LRRTM4: variants seen among roughly 807,000 people sequenced by gnomAD.
The protein encoded by LRRTM4 is leucine-rich repeat transmembrane neuronal protein 4.
Under a neutral mutation model 47.6 loss-of-function variants are expected in LRRTM4, and 25 were observed. That is an observed-to-expected ratio of 0.53 (90% CI 0.38 to 0.73). The LOEUF (loss-of-function observed/expected upper bound fraction) is 0.73. LRRTM4 is among the 30% of genes least tolerant of loss of function. The pLI is 0.00. For synonymous variants in LRRTM4, 311 were observed against 269.5 expected, an observed-to-expected ratio of 1.15 and a Z score of -1.51; for missense variants, 638 against 713.4, an observed-to-expected ratio of 0.89 and a Z score of 1.20.
intron 3 of LRRTM4, among the ~76,000 whole-genome samples, chr2:77,070,677 CT>C (rs1390947254): frequency 2.6e-5 from 4 of 152,108 alleles, no homozygotes; most frequent in Admixed American, 2.6e-4. Flanking sequence ...GTTGCCCAGG[CT>C]AGAGGGCAAT....
intron 3 of LRRTM4, among the ~76,000 whole-genome samples, chr2:76,797,595 G>T (rs1411624367): frequency 6.6e-6 from 1 of 151,016 alleles, no homozygotes; most frequent in African/African-American, 2.4e-5. Flanking sequence ...ATAATGACAG[G>T]ATCAAATTCA....
At chr2:77,085,933 GGAA>G (rs1247348479) in intron 3 of LRRTM4, among the ~76,000 whole-genome samples, 7 of 152,116 alleles carry the variant, frequency 4.6e-5, no homozygotes, top group Non-Finnish European at 2.9e-5. Flanking sequence ...GGAGCCAAAA[GGAA>G]GAAATTTCTT....
Position 77,519,820 on chromosome 2 carries a change from C to T in LRRTM4, c.49G>A (p.Val17Met), listed in dbSNP as rs1483285617. 3 of 1,612,356 alleles carry T rather than the reference C, an allele frequency of 1.9e-6. No individual in the cohort carries two copies. The African/African-American group carries it at 4.0e-5, about 22-fold the overall frequency. Residue 17 changes from valine (V) to methionine (M), a missense_variant, in exon 3 of 4, where the codon GTG becomes ATG. By Grantham distance (21) the Val-to-Met change is conservative (BLOSUM62 1). Coordinates refer to ENST00000409884, the MANE Select transcript of LRRTM4 (RefSeq NM_001134745.3). The surrounding 1 kb of genome is among the most constrained non-coding windows in gnomAD (Gnocchi z 4.6). Reference protein sequence around the residue: ...TQLKGMSVVLVLLPTLLLVML... With the variant: ...TQLKGMSVVLMLLPTLLLVML... ...ACAAGCAGCAGTGTAGGAAGTAGCA[C>T]CAGCACCACACTCATGCCTTTCAGC...
chr2:77,039,922 T>C (rs138340276), intron 3 of LRRTM4, among the ~76,000 whole-genome samples: 1,680 of 151,190 alleles, frequency 0.011, 41 homozygotes, highest in African/African-American at 0.038. Flanking sequence ...ATTAATAAAA[T>C]ATTTTTAAAA....
At chr2:77,209,519 G>T (rs1423810945) in intron 3 of LRRTM4, among the ~76,000 whole-genome samples, 1 of 152,012 alleles carries the variant, frequency 6.6e-6, no homozygotes, top group African/African-American at 2.4e-5. Flanking sequence ...TGGGGTCAAT[G>T]TCCTTCAAAT....
chr2:76,862,791 T>C (rs1457123044), intron 3 of LRRTM4, among the ~76,000 whole-genome samples: 1 of 152,198 alleles, frequency 6.6e-6, no homozygotes, highest in East Asian at 1.9e-4. Context: ...CTTATTCACA[T>C]ATATTTGTTG....
intron 3 of LRRTM4, among the ~76,000 whole-genome samples, chr2:77,482,230 G>T (rs1352520498): frequency 6.6e-6 from 1 of 152,028 alleles, no homozygotes; most frequent in African/African-American, 2.4e-5. Flanking sequence ...ATATGATTTT[G>T]CCAATCTTTA....
At chr2:76,806,872 G>A (rs368851178) in intron 3 of LRRTM4, among the ~76,000 whole-genome samples, 3 of 151,818 alleles carry the variant, frequency 2.0e-5, no homozygotes, top group African/African-American at 7.3e-5. Context: ...ATAGAAAAAT[G>A]CACAAAGAAC....
At chr2:77,281,677 A>G (rs148391434) in intron 3 of LRRTM4, among the ~76,000 whole-genome samples, 3,416 of 151,950 alleles carry the variant, frequency 0.022, 141 homozygotes, top group African/African-American at 0.078. Flanking sequence ...TGGCAGAATG[A>G]TAAGTGTTAT....
intron 3 of LRRTM4, among the ~76,000 whole-genome samples, chr2:77,298,049 G>C (rs1464608468): frequency 6.6e-6 from 1 of 152,186 alleles, no homozygotes; most frequent in East Asian, 1.9e-4. Context: ...AAAAGAGAGA[G>C]AGAGTAAAGA....
intron 3 of LRRTM4, among the ~76,000 whole-genome samples, chr2:77,436,985 C>A (rs1397128262): frequency 2.0e-5 from 3 of 151,700 alleles, no homozygotes; most frequent in Non-Finnish European, 4.4e-5. Context: ...ATATAAATAA[C>A]TTATCTATAA....
At chr2:76,769,844 T>C (rs1008021672) in intron 3 of LRRTM4, among the ~76,000 whole-genome samples, 1 of 152,212 alleles carries the variant, frequency 6.6e-6, no homozygotes, top group Admixed American at 6.5e-5. Flanking sequence ...GTTTCTGCCA[T>C]GCCTAGATAA....
chr2:77,329,962 G>A (rs987638515), intron 3 of LRRTM4, among the ~76,000 whole-genome samples: 1 of 152,112 alleles, frequency 6.6e-6, no homozygotes, highest in East Asian at 1.9e-4. Flanking sequence ...TTTAGGCAAG[G>A]ATAAGCCAGT....
intron 3 of LRRTM4, among the ~76,000 whole-genome samples, chr2:77,105,058 GA>G (rs113329344): frequency 0.19 from 28,815 of 148,406 alleles, 4,193 homozygotes; most frequent in East Asian, 0.41. Context: ...GAAAATAAAA[GA>G]AAAAAAAAAT....
intron 3 of LRRTM4, among the ~76,000 whole-genome samples, chr2:76,933,377 G>A (rs775566197): frequency 9.9e-5 from 15 of 151,860 alleles, no homozygotes; most frequent in Admixed American, 6.6e-5. Flanking sequence ...ATTCTCACAC[G>A]GTCATACAAA....
At chr2:77,164,463 T>C (rs557649563) in intron 3 of LRRTM4, among the ~76,000 whole-genome samples, 2 of 152,288 alleles carry the variant, frequency 1.3e-5, no homozygotes, top group South Asian at 2.1e-4. Flanking sequence ...GCAGACCTAA[T>C]AGACATCTAC....
rs976846575 is a variant in LRRTM4, at chr2:76,771,669, G to A, written c.1552-22753C>T. ...AAAAAAAAAAAAAAGAAAAAGAAAA[G>A]AAGAACATCAGTTTAAGTCTGGCCT... On this transcript the variant is annotated intron_variant, in intron 3 of 3. Coordinates refer to ENST00000409884, the MANE Select transcript of LRRTM4 (RefSeq NM_001134745.3). 1.8e-3 allele frequency among the ~76,000 whole-genome samples: 273 copies of A among 148,592 alleles called. 1 individual carries two copies. The highest frequency in any genetic ancestry group is 2.8e-3 in the Non-Finnish European group (188 of 67,324).
chr2:77,382,401 T>C (rs550266504), intron 3 of LRRTM4, among the ~76,000 whole-genome samples: 2 of 152,178 alleles, frequency 1.3e-5, no homozygotes, highest in South Asian at 4.1e-4. Context: ...GAATTATCTG[T>C]GGAACTCTAA....
At chr2:76,918,514 T>C (rs908939797) in intron 3 of LRRTM4, among the ~76,000 whole-genome samples, 13 of 152,164 alleles carry the variant, frequency 8.5e-5, no homozygotes, top group African/African-American at 3.1e-4. Context: ...GCTCATCACA[T>C]AGGCCGTATT....
Sources: gnomAD v4.1 joint callset for allele counts (sites outside exome capture counted in the v4.1 genomes callset) on GRCh38, gnomAD v4.1.1 for gene constraint, Gnocchi (gnomAD v3.1) non-coding constraint, MANE v1.5 for transcripts, NCBI Gene and HGNC (gene_info 2026-07-23, HGNC 2026-07-21) for gene names.